The following TTLL5 variants were observed in gnomAD, a reference collection of about 807,000 sequenced individuals.
TTLL5 encodes the protein tubulin polyglutamylase TTLL5.
In TTLL5, 132 loss-of-function variants were observed where a neutral mutation model predicts 168.4. That is an observed-to-expected ratio of 0.78 (90% confidence interval 0.68 to 0.91). TTLL5 has a LOEUF of 0.91. TTLL5 is among the 40% of genes least tolerant of loss of function. TTLL5 has a pLI of 0.00. For synonymous variants in TTLL5, 546 were observed against 558.6 expected (o/e 0.98, Z 0.32); for missense variants, 1,545 against 1,581.5 (o/e 0.98, Z 0.39).
At chr14:75,944,171 T>C (rs2034697541) in intron 31 of TTLL5, among the ~76,000 whole-genome samples, 1 of 152,218 alleles carries the variant, frequency 6.6e-6, no homozygotes, top group African/African-American at 2.4e-5. Flanking sequence ...TAATTGAGGC[T>C]GCGGCAGACC....
chr14:75,704,163 A>T (rs1283339323), intron 7 of TTLL5, among the ~76,000 whole-genome samples: 4 of 152,214 alleles, frequency 2.6e-5, no homozygotes, highest in Non-Finnish European at 4.4e-5. Context: ...ATTCCAGCAT[A>T]GACACTCTTA....
chr14:75,829,020 T>C (rs1347615588), intron 28 of TTLL5, among the ~76,000 whole-genome samples: 2 of 152,196 alleles, frequency 1.3e-5, no homozygotes, highest in African/African-American at 4.8e-5. Context: ...GGAAAATTAC[T>C]GATCATAAAA....
chr14:75,682,946 T>C (rs545630334), intron 4 of TTLL5, among the ~76,000 whole-genome samples: 1 of 151,404 alleles, frequency 6.6e-6, no homozygotes. Context: ...AAAAAAAAAA[T>C]TTTTTTTATA....
chr14:75,918,318 A>C (rs2033692181), intron 31 of TTLL5, among the ~76,000 whole-genome samples: 1 of 152,160 alleles, frequency 6.6e-6, no homozygotes. Flanking sequence ...TTGAGGAAGA[A>C]GGGGGGATGG....
At chr14:75,862,778 C>CA (rs1166478456) in intron 28 of TTLL5, among the ~76,000 whole-genome samples, 6 of 151,494 alleles carry the variant, frequency 4.0e-5, no homozygotes, top group South Asian at 2.1e-4. Flanking sequence ...CCCGTCTCTA[C>CA]AAAAAAAATA....
intron 15 of TTLL5, among the ~76,000 whole-genome samples, chr14:75,743,817 G>A (rs1323956895): frequency 2.0e-5 from 3 of 152,070 alleles, no homozygotes; most frequent in African/African-American, 7.2e-5. Flanking sequence ...TCCTGACCTT[G>A]TGATCTGCCC....
intron 9 of TTLL5, among the ~76,000 whole-genome samples, chr14:75,713,503 C>A (rs182482919): frequency 1.3e-5 from 2 of 152,274 alleles, no homozygotes; most frequent in African/African-American, 4.8e-5. Context: ...TGTTAAGTGA[C>A]GAATGGTTGT....
chr14:75,711,940 A>T (rs984812324), intron 9 of TTLL5: 1 of 152,374 alleles, frequency 6.6e-6, no homozygotes, highest in African/African-American at 2.4e-5. Flanking sequence ...AGAATCTGCC[A>T]CAGCAGCAAG....
Position 75,820,006 on chromosome 14 carries a change from G to C in TTLL5, c.3172-1G>C. On this transcript the variant is annotated splice_acceptor_variant, in intron 27 of 31. Coordinates refer to ENST00000298832, the MANE Select transcript of TTLL5 (RefSeq NM_015072.5). LOFTEE classifies it high-confidence loss of function. ...GGTTATTTCCCTCGCTTTATTTCTA[G>C]GTAACAAACCTGAATTTGGCAACTG... 1 of 1,592,662 alleles carries C rather than the reference G, an allele frequency of 6.3e-7. No homozygotes were observed. Among genetic ancestry groups the C allele is most frequent in the Non-Finnish European group, 8.5e-7 (1 of 1,171,892 alleles).
Position 75,806,745 on chromosome 14 carries a change from T to A in TTLL5, c.3172-13262T>A, listed in dbSNP as rs1318869829. Among the ~76,000 whole-genome samples the A allele has an allele frequency of 2.0e-5, 3 of 152,208 alleles. No individual in the cohort carries two copies. In the South Asian group the frequency reaches 6.2e-4, roughly 32 times the overall value. ...GTCCTTTGCTGCCTCAGCACCTGAC[T>A]CATTGGTAGTACTCAAAAAATGTGC... On this transcript the variant is annotated intron_variant, in intron 27 of 31. Coordinates refer to ENST00000298832, the MANE Select transcript of TTLL5 (RefSeq NM_015072.5).
At chr14:75,844,883 A>T (rs1896462394) in intron 28 of TTLL5, among the ~76,000 whole-genome samples, 1 of 152,340 alleles carries the variant, frequency 6.6e-6, no homozygotes. Flanking sequence ...TTGACCAGTA[A>T]CATTTCTATT....
Position 75,698,253 on chromosome 14 carries a change from G to C in TTLL5, c.503-935G>C, listed in dbSNP as rs142951638. 3.5e-4 allele frequency among the ~76,000 whole-genome samples: 53 copies of C among 152,302 alleles called. No individual in the cohort carries two copies. In the East Asian group the frequency reaches 9.5e-3, roughly 27 times the overall value. ...CCTCAGACCACTTGCAAGCCTCTGGGAGGCTTAGTGTCAGTTGTCTGCTTT... is the reference window on the plus strand; with the variant it reads ...CCTCAGACCACTTGCAAGCCTCTGGCAGGCTTAGTGTCAGTTGTCTGCTTT... On this transcript the variant is annotated intron_variant, in intron 6 of 31. Transcript: ENST00000298832.
At chr14:75,880,062 C>G (rs984062182) in intron 29 of TTLL5, among the ~76,000 whole-genome samples, 6 of 152,140 alleles carry the variant, frequency 3.9e-5, no homozygotes, top group Admixed American at 2.0e-4. Flanking sequence ...GCCTTGACCC[C>G]TAGCTAACCA....
chr14:75,805,262 C>CT (rs1402620088), intron 27 of TTLL5, among the ~76,000 whole-genome samples: 1 of 152,234 alleles, frequency 6.6e-6, no homozygotes, highest in Non-Finnish European at 1.5e-5. Context: ...AGTAATTCCT[C>CT]TGAGAAATCA....
Position 75,681,570 on chromosome 14 carries a change from T to C in TTLL5, c.207T>C (p.Ile69=). The stretch of plus-strand genomic sequence containing the variant: ...AACGTTATCATTTGTCTTATAAGAT[T>C]GTACGAACGGACAGTCGCCTAGTAC... The part of the protein sequence containing the change: ...IGERYHLSYK[I]VRTDSRLVRS... The change falls in exon 4 of 32, where the codon ATT becomes ATC. Residue 69 remains isoleucine, a synonymous_variant. Coordinates refer to ENST00000298832, the MANE Select transcript of TTLL5 (RefSeq NM_015072.5). 1 of 1,613,574 alleles carries C rather than the reference T, an allele frequency of 6.2e-7. No homozygotes were observed. The highest frequency in any genetic ancestry group is 1.3e-5 in the African/African-American group (1 of 75,064).
chr14:75,685,199 A>G (rs1452948629), intron 5 of TTLL5, among the ~76,000 whole-genome samples: 1 of 151,962 alleles, frequency 6.6e-6, no homozygotes, highest in Non-Finnish European at 1.5e-5. Context: ...CCTGGGCAAC[A>G]TGGCAAAACC....
At chr14:75,952,939 A>ATT (rs2035007372) in intron 31 of TTLL5, among the ~76,000 whole-genome samples, 1 of 152,192 alleles carries the variant, frequency 6.6e-6, no homozygotes, top group Admixed American at 6.5e-5. Context: ...ATTGACTATG[A>ATT]TGACGGATGC....
At chr14:75,816,074 T>C (rs561686412) in intron 27 of TTLL5, among the ~76,000 whole-genome samples, 1 of 152,356 alleles carries the variant, frequency 6.6e-6, no homozygotes, top group South Asian at 2.1e-4. Flanking sequence ...TACCCTCTTT[T>C]GACTTTGGCT....
chr14:75,920,609 C>T (rs534806056), intron 31 of TTLL5, among the ~76,000 whole-genome samples: 44 of 152,276 alleles, frequency 2.9e-4, no homozygotes, highest in African/African-American at 8.4e-4. Context: ...TAGTATTCCA[C>T]GGTGTAAATG....
Sources: allele counts gnomAD v4.1 joint callset (sites outside exome capture counted in the v4.1 genomes callset), GRCh38; gene constraint gnomAD v4.1.1; transcripts MANE v1.5; gene names NCBI Gene and HGNC (gene_info 2026-07-23, HGNC 2026-07-21).